The following HOXA3 variants were observed in gnomAD, a reference collection of about 807,000 sequenced individuals.
HOXA3 encodes the protein homeobox A3, also known as homeobox protein Hox-A3.
Under a neutral mutation model 30.3 loss-of-function variants are expected in HOXA3, and 8 were observed. That is an observed-to-expected ratio of 0.26 (90% confidence interval 0.15 to 0.48). The LOEUF is 0.48. HOXA3 is among the 20% of genes least tolerant of loss of function. The pLI, the probability that HOXA3 is intolerant of heterozygous loss-of-function variation, is 0.99. For synonymous variants in HOXA3, 323 were observed against 273.1 expected (o/e 1.18, Z -1.80); for missense variants, 653 against 614.4 (o/e 1.06, Z -0.66).
chr7:27,128,361 A>G (rs1157879923), intron 2 of HOXA3: 1 of 152,236 alleles, frequency 6.6e-6, no homozygotes, highest in Non-Finnish European at 1.5e-5. Context: ...TTGAACATAC[A>G]TACACACACT....
intron 2 of HOXA3, among the ~76,000 whole-genome samples, chr7:27,129,770 G>C (rs1241432203): frequency 1.3e-5 from 2 of 152,202 alleles, no homozygotes; most frequent in Non-Finnish European, 2.9e-5. Context: ...AAACACCCGA[G>C]AGCCATAAAG....
At chr7:27,136,234 T>C (rs1315136088) in intron 2 of HOXA3, among the ~76,000 whole-genome samples, 1 of 152,218 alleles carries the variant, frequency 6.6e-6, no homozygotes, top group African/African-American at 2.4e-5. Context: ...CCCCAGCATC[T>C]CAGGATGCCC....
chr7:27,125,111 T>C (rs1785226981), intron 3 of HOXA3, among the ~76,000 whole-genome samples: 1 of 152,232 alleles, frequency 6.6e-6, no homozygotes, highest in African/African-American at 2.4e-5. Context: ...AGTGTAAGCT[T>C]AGATGCATAC....
rs954117279 is a variant in HOXA3, at chr7:27,113,041, C to T, written c.-120-2281G>A. Among the ~76,000 whole-genome samples, 2 of 152,190 alleles carry T rather than the reference C, an allele frequency of 1.3e-5. No homozygotes were observed. The highest frequency in any genetic ancestry group is 4.8e-5 in the African/African-American group (2 of 41,448). ...CCACCTTGGAGCTCATACATCCCCC[C>T]ACCCCAACCCAGCCCCCAAAGTTTG... is the stretch of plus-strand genomic sequence containing the variant. On this transcript the variant is annotated intron_variant, in intron 4 of 5. Coordinates refer to ENST00000612286, the MANE Select transcript of HOXA3 (RefSeq NM_153631.3). This position sits in a 1 kb window ranked among gnomAD's most constrained non-coding sequence, Gnocchi z 4.8.
In HOXA3 at chr7:27,107,211, A is replaced by T. The variant is rs1784048631; in HGVS notation, c.*704T>A. The T allele has an allele frequency of 6.6e-6, 1 of 152,272 alleles. No individual in the cohort carries two copies. The highest frequency in any genetic ancestry group is 2.4e-5 in the African/African-American group (1 of 41,520). The allele number at this position is 152,272 out of a possible 1,614,324, so 9.4% of individuals were successfully genotyped here. The stretch of plus-strand genomic sequence containing the variant: ...TGTATCGTTACCGTTTAAAGGAATT[A>T]TATTTCTCTTTCAAATAAAAAAAAT... On this transcript the variant is annotated 3_prime_UTR_variant, in exon 6 of 6. Coordinates refer to ENST00000612286, the MANE Select transcript of HOXA3 (RefSeq NM_153631.3).
intron 2 of HOXA3, among the ~76,000 whole-genome samples, chr7:27,133,486 T>A (rs137980324): frequency 5.6e-4 from 85 of 152,320 alleles, no homozygotes; most frequent in Admixed American, 1.3e-3. Flanking sequence ...CTGGCTCCAG[T>A]CCCAAGCGGG....
intron 2 of HOXA3, chr7:27,128,986 G>C (rs1454062791): frequency 1.7e-6 from 1 of 580,210 alleles, no homozygotes; most frequent in African/African-American, 1.9e-5. Context: ...TGGCAGCCTT[G>C]TTTCGGGCCA....
Position 27,108,569 on chromosome 7 carries a change from A to G in HOXA3, c.678T>C (p.Asn226=), listed in dbSNP as rs768476637. The G allele has an allele frequency of 6.2e-7, 1 of 1,614,140 alleles. No individual in the cohort carries two copies. The highest frequency in any genetic ancestry group is 8.5e-7 in the Non-Finnish European group (1 of 1,180,008). Residue 226 remains asparagine (N), a synonymous_variant, in exon 6 of 6, where the codon AAT becomes AAC. Transcript: ENST00000612286. The surrounding 1 kb of genome is among the most constrained non-coding windows in gnomAD (Gnocchi z 5.0). ...TCTGGCGCTCAGTGAGGTTCAGCAG[A>G]TTGGCCATCTCCACCCGGCGCGGCC... is the stretch of plus-strand genomic sequence containing the variant. The part of the protein sequence containing the change: ...LCRPRRVEMA[N]LLNLTERQIK...
At chr7:27,147,824 C>A in intron 1 of HOXA3, 2 of 1,351,278 alleles carry the variant, frequency 1.5e-6, no homozygotes, top group Non-Finnish European at 2.0e-6. Flanking sequence ...AGTCATCGAA[C>A]TGGTTTGTTT....
chr7:27,131,068 T>A (rs1373128413), intron 2 of HOXA3, among the ~76,000 whole-genome samples: 1 of 152,114 alleles, frequency 6.6e-6, no homozygotes, highest in African/African-American at 2.4e-5. Context: ...GAGCAGGAGC[T>A]TTGGACCCCA....
intron 4 of HOXA3, among the ~76,000 whole-genome samples, chr7:27,111,485 CGTGTGTGTGT>C: frequency 1.3e-5 from 2 of 148,894 alleles, no homozygotes; most frequent in South Asian, 4.2e-4. Context: ...GAACACATTG[CGTGTGTGTGT>C]GTGTGTGTGT....
At chr7:27,123,492 G>C (rs1252489772) in intron 3 of HOXA3, 1 of 153,000 alleles carries the variant, frequency 6.5e-6, no homozygotes, top group Admixed American at 6.5e-5. Context: ...TCAGCTTTCT[G>C]GGAGTGGGAG....
chr7:27,129,995 G>A (rs1583395925), intron 2 of HOXA3: 8 of 1,163,190 alleles, frequency 6.9e-6, no homozygotes, highest in South Asian at 5.5e-5. Context: ...ACCGCAGCCC[G>A]GGTCAGATGG....
chr7:27,134,945 T>C (rs1261847442), intron 2 of HOXA3, among the ~76,000 whole-genome samples: 1 of 152,228 alleles, frequency 6.6e-6, no homozygotes, highest in Non-Finnish European at 1.5e-5. Context: ...TCTGTTTTCC[T>C]ATACTGATCC....
intron 2 of HOXA3, chr7:27,130,381 T>C: frequency 8.7e-7 from 1 of 1,150,116 alleles, no homozygotes; most frequent in Non-Finnish European, 1.1e-6. Flanking sequence ...CGCCGGGGGC[T>C]GCTCGGGCTG....
At chr7:27,130,814 C>G in intron 2 of HOXA3, 2 of 1,392,088 alleles carry the variant, frequency 1.4e-6, no homozygotes, top group Non-Finnish European at 2.0e-6. Flanking sequence ...CCCCTCCTGC[C>G]TCGCTTCCCA....
intron 1 of HOXA3, among the ~76,000 whole-genome samples, chr7:27,149,094 G>C (rs1289825035): frequency 6.6e-6 from 1 of 152,248 alleles, no homozygotes; most frequent in Non-Finnish European, 1.5e-5. Flanking sequence ...GCGGTCCCCA[G>C]ACAGGACATT....
In HOXA3 at chr7:27,107,745, A is replaced by T; in HGVS notation, c.*170T>A. The T allele has an allele frequency of 2.0e-6, 1 of 508,204 alleles. No individual in the cohort carries two copies. Among genetic ancestry groups the T allele is most frequent in the Non-Finnish European group, 3.4e-6 (1 of 291,934 alleles). 31.5% of individuals were successfully genotyped at this position (508,204 alleles called of 1,614,324 possible). On this transcript the variant is annotated 3_prime_UTR_variant, in exon 6 of 6. Coordinates refer to ENST00000612286, the MANE Select transcript of HOXA3 (RefSeq NM_153631.3). Reference sequence around the variant, plus strand: ...TTGCTACGTCACATAAACTATAAAAACGCCTTACCAACGAGGGGGGAAACC... The same window carrying T: ...TTGCTACGTCACATAAACTATAAAATCGCCTTACCAACGAGGGGGGAAACC...
intron 3 of HOXA3, chr7:27,123,386 C>A (rs926396585): frequency 5.2e-5 from 8 of 152,648 alleles, no homozygotes; most frequent in Admixed American, 4.6e-4. Flanking sequence ...CGGCCACAAG[C>A]CGATCTGATG....
Sources: gnomAD v4.1 joint callset for allele counts (sites outside exome capture counted in the v4.1 genomes callset) on GRCh38, gnomAD v4.1.1 for gene constraint, Gnocchi (gnomAD v3.1) non-coding constraint, MANE v1.5 for transcripts, NCBI Gene and HGNC (gene_info 2026-07-23, HGNC 2026-07-21) for gene names.